Variants in SCYL1 observed in about 807,000 individuals in gnomAD.
SCYL1 encodes SCY1 like pseudokinase 1, also known as N-terminal kinase-like protein.
A neutral mutation model predicts 94.8 loss-of-function variants in SCYL1; 85 were observed. The ratio of observed to expected loss-of-function variants is 0.90; its 90% CI spans 0.75 to 1.07. SCYL1 has a LOEUF of 1.07. Ranked by LOEUF, SCYL1 falls within the 50% of genes least tolerant of loss-of-function variation. The probability of loss-of-function intolerance (pLI) is 0.00; values close to 1 mark genes in which losing one functional copy is unlikely to be tolerated. For synonymous variants in SCYL1, 459 were observed against 435.5 expected (o/e 1.05, Z -0.67); for missense variants, 968 against 1,083.3 (o/e 0.89, Z 1.49).
At position 65,526,293 on chromosome 11, in the gene SCYL1, A is replaced by T. The variant is rs1172759064; in HGVS notation, c.545A>T (p.Glu182Val). The change falls in exon 4 of 18, where the codon GAG becomes GTG. Residue 182 changes from glutamate (E) to valine (V), a missense_variant. Around this residue, in one of 2 missense-constraint regions of SCYL1, gnomAD observed 494 missense variants for 619.7 expected, o/e 0.80. Transcript: ENST00000270176. This position sits in a 1 kb window ranked among gnomAD's most constrained non-coding sequence, Gnocchi z 4.1. ...GPPRKGIPELEQYDPPELADS... is the reference protein window; with the variant it reads ...GPPRKGIPELVQYDPPELADS... The stretch of plus-strand genomic sequence containing the variant: ...CCCCGCAAGGGGATCCCCGAGCTTG[A>T]GCAGTATGACCCCCCGGAGTTGGCT... 1 of 1,612,188 alleles carries T rather than the reference A, an allele frequency of 6.2e-7. No homozygotes were observed. The highest frequency in any genetic ancestry group is 1.1e-5 in the South Asian group (1 of 91,042).
At position 65,536,097 on chromosome 11, in the gene SCYL1, C is replaced by A. The variant is rs1389255232; in HGVS notation, c.1531C>A (p.Leu511Ile). 4 of 1,614,038 alleles carry A rather than the reference C, an allele frequency of 2.5e-6. No homozygotes were observed. In the African/African-American group the frequency reaches 5.3e-5, roughly 22 times the overall value. The change falls in exon 11 of 18, where the codon CTC becomes ATC. Residue 511 changes from leucine to isoleucine, a missense_variant. By Grantham distance (5) the Leu-to-Ile change is conservative. Around this residue, in one of 2 missense-constraint regions of SCYL1, gnomAD observed 474 missense variants for 463.6 expected, o/e 1.02. Transcript: ENST00000270176. ...NDCAQKILPV[L>I]CGLTVDPEKS... Reference sequence around the variant, plus strand: ...CTGTGCCCAGAAGATCCTGCCTGTGCTCTGCGGTCTCACTGTAGATCCTGA... The same window carrying A: ...CTGTGCCCAGAAGATCCTGCCTGTGATCTGCGGTCTCACTGTAGATCCTGA...
chr11:65,537,395 C>T lies in SCYL1; in HGVS notation c.1959+267C>T, dbSNP rs186171789. 1.4e-3 allele frequency among the ~76,000 whole-genome samples: 217 copies of T among 152,300 alleles called. 1 individual carries two copies. The highest frequency in any genetic ancestry group is 5.1e-3 in the African/African-American group (211 of 41,548). The stretch of plus-strand genomic sequence containing the variant: ...ACTCTTACCCACACCGTCCCCCTTT[C>T]CCCTCCTCCAGTGCCCACCCAGCCA... On this transcript the variant is annotated intron_variant, in intron 14 of 17. Coordinates refer to ENST00000270176, the MANE Select transcript of SCYL1 (RefSeq NM_020680.4).
rs1855096169 is a variant in SCYL1, at chr11:65,526,606, G to A, written c.603-177G>A. Among the ~76,000 whole-genome samples the A allele has an allele frequency of 2.0e-5, 3 of 152,152 alleles. No individual in the cohort carries two copies. The South Asian group carries it at 6.2e-4, about 31-fold the overall frequency. ...TGGACAGATGTGCCTAGTTCTCTGA[G>A]GCTTGGTTTTTTTAATCTGTTAAGT... On this transcript the variant is annotated intron_variant, in intron 4 of 17. Coordinates refer to ENST00000270176, the MANE Select transcript of SCYL1 (RefSeq NM_020680.4). This position sits in a 1 kb window ranked among gnomAD's most constrained non-coding sequence, Gnocchi z 4.1.
At chr11:65,525,320 G>A in intron 1 of SCYL1, 56 bp downstream of exon 1, 2 of 1,277,108 alleles carry the variant, frequency 1.6e-6, no homozygotes, top group South Asian at 1.6e-5. Context: ...CCTATTCCGC[G>A]CCGCCGACCC....
chr11:65,538,422 G>T lies in SCYL1; in HGVS notation c.2303-20G>T. 1.3e-6 allele frequency: 2 copies of T among 1,544,422 alleles called. No individual in the cohort carries two copies. Among genetic ancestry groups the T allele is most frequent in the Non-Finnish European group, 8.7e-7 (1 of 1,143,688 alleles). On this transcript the variant is annotated intron_variant, in intron 17 of 17. Coordinates refer to ENST00000270176, the MANE Select transcript of SCYL1 (RefSeq NM_020680.4). Reference sequence around the variant, plus strand: ...CACTGGCTGGAGAGCTGAGACCGGGGCTCCCCTTCCTGACGCCAGGACAGG... The same window carrying T: ...CACTGGCTGGAGAGCTGAGACCGGGTCTCCCCTTCCTGACGCCAGGACAGG...
rs766264413 is a variant in SCYL1, at chr11:65,536,684, C to A, written c.1750C>A (p.Leu584Met). 6.2e-7 allele frequency: 1 copy of A among 1,613,992 alleles called. No homozygotes were observed. Among genetic ancestry groups the A allele is most frequent in the Non-Finnish European group, 8.5e-7 (1 of 1,179,880 alleles). The stretch of plus-strand genomic sequence containing the variant: ...CGGGGTCTCCTCACTCACCTCCAAG[C>A]TGATCCGTTCGCACCCAACCACTGC... ...VTGVSSLTSK[L>M]IRSHPTTAPT... The change falls in exon 13 of 18, where the codon CTG becomes ATG. Residue 584 changes from leucine (L) to methionine (M), a missense_variant. Around this residue, in one of 2 missense-constraint regions of SCYL1, gnomAD observed 474 missense variants for 463.6 expected, o/e 1.02. Transcript: ENST00000270176.
rs1855657062 is a variant in SCYL1, at chr11:65,536,606, T to A, written c.1672T>A (p.Ser558Thr). The A allele has an allele frequency of 1.2e-6, 2 of 1,614,080 alleles. No individual in the cohort carries two copies. Among genetic ancestry groups the A allele is most frequent in the Non-Finnish European group, 1.7e-6 (2 of 1,179,972 alleles). Residue 558 changes from serine (S) to threonine (T), a missense_variant, in exon 13 of 18, where the codon TCC becomes ACC. Transcript: ENST00000270176. ...EEVEKDVHAA[S>T]SPGMGGAAAS... ...CCCAGAGAAGGATGTCCATGCAGCC[T>A]CCAGCCCTGGCATGGGAGGAGCCGC...
rs371045520 is a variant in SCYL1, at chr11:65,537,854, G to A, written c.2005G>A (p.Gly669Arg). Residue 669 changes from glycine (G) to arginine (R), a missense_variant, in exon 15 of 18, where the codon GGG becomes AGG. Physicochemically the swap from Gly to Arg is moderately radical, Grantham distance 125 (BLOSUM62 -2). Transcript: ENST00000270176. ...VLAQQDDWST[G>R]GQVSRASQVS... ...GGCCCAGCAGGACGACTGGAGCACC[G>A]GGGGCCAAGTGAGCCGTGCTAGTCA... The A allele has an allele frequency of 5.6e-5, 88 of 1,575,244 alleles. No homozygotes were observed. Among genetic ancestry groups the A allele is most frequent in the Admixed American group, 1.5e-4 (8 of 53,516 alleles).
chr11:65,538,272 G>T lies in SCYL1; in HGVS notation c.2250G>T (p.Pro750=). 1 of 1,553,420 alleles carries T rather than the reference G, an allele frequency of 6.4e-7. No homozygotes were observed. The highest frequency in any genetic ancestry group is 8.7e-7 in the Non-Finnish European group (1 of 1,148,070). ...ATLSARPSTQ[P]RPDSWGEDNW... The stretch of plus-strand genomic sequence containing the variant: ...GCAGCCCACACTTCTCTTTACAGCC[G>T]AGGCCAGACTCTTGGGGTGAGGACA... The change falls in exon 17 of 18, where the codon CCG becomes CCT. Residue 750 remains proline (P), a splice_region_variant and synonymous_variant. Coordinates refer to ENST00000270176, the MANE Select transcript of SCYL1 (RefSeq NM_020680.4).
intron 6 of SCYL1, among the ~76,000 whole-genome samples, chr11:65,527,993 G>A (rs998221437): frequency 7.2e-5 from 11 of 152,198 alleles, no homozygotes; most frequent in African/African-American, 2.7e-4. Flanking sequence ...CCCCAGGGGT[G>A]TAACACCCTG....
At chr11:65,530,406 A>G (rs939614306) in intron 6 of SCYL1, among the ~76,000 whole-genome samples, 1 of 152,126 alleles carries the variant, frequency 6.6e-6, no homozygotes. Context: ...TGCAGCTTTT[A>G]TGTGCATTTT....
In SCYL1 at chr11:65,537,959, T is replaced by C. The variant is rs756251197; in HGVS notation, c.2032-8T>C. 1.2e-6 allele frequency: 2 copies of C among 1,607,686 alleles called. No individual in the cohort carries two copies. Among genetic ancestry groups the C allele is most frequent in the South Asian group, 1.1e-5 (1 of 90,036 alleles). ...CCAGGGCTACTTCCCCCTCCCGCTC[T>C]TCTACAGGTCAGCAACTCCGACCAC... On this transcript the variant is annotated splice_region_variant and splice_polypyrimidine_tract_variant and intron_variant, in intron 15 of 17. Coordinates refer to ENST00000270176, the MANE Select transcript of SCYL1 (RefSeq NM_020680.4).
Position 65,526,607 on chromosome 11 carries a change from G to T in SCYL1, c.603-176G>T, listed in dbSNP as rs949189901. ...GGACAGATGTGCCTAGTTCTCTGAGGCTTGGTTTTTTTAATCTGTTAAGTG... is the reference window on the plus strand; with the variant it reads ...GGACAGATGTGCCTAGTTCTCTGAGTCTTGGTTTTTTTAATCTGTTAAGTG... On this transcript the variant is annotated intron_variant, in intron 4 of 17. Transcript: ENST00000270176. This position sits in a 1 kb window ranked among gnomAD's most constrained non-coding sequence, Gnocchi z 4.1. Among the ~76,000 whole-genome samples, 8 of 152,176 alleles carry T rather than the reference G, an allele frequency of 5.3e-5. No homozygotes were observed. In the South Asian group the frequency reaches 1.2e-3, roughly 24 times the overall value.
chr11:65,526,183 C>T lies in SCYL1; in HGVS notation c.435C>T (p.Ala145=), dbSNP rs752730791. 23 of 1,613,302 alleles carry T rather than the reference C, an allele frequency of 1.4e-5. No individual in the cohort carries two copies. Among genetic ancestry groups the T allele is most frequent in the Middle Eastern group, 1.6e-4 (1 of 6,084 alleles). Residue 145 remains alanine (A), a synonymous_variant, in exon 4 of 18, where the codon GCC becomes GCT. Coordinates refer to ENST00000270176, the MANE Select transcript of SCYL1 (RefSeq NM_020680.4). The surrounding 1 kb of genome is among the most constrained non-coding windows in gnomAD (Gnocchi z 4.1). ...CSLIHNNVCM[A]AVFVDRAGEW... ...TCATCCACAACAATGTCTGCATGGC[C>T]GCCGTGTTCGTGGACCGAGCTGGCG...
Position 65,536,227 on chromosome 11 carries a change from A to C in SCYL1, c.1576-32A>C, listed in dbSNP as rs757187634. Reference sequence around the variant, plus strand: ...GGCCTGGTAGGTTCTTGGGAACCCCAGAGACCCCAGCTCTGCCTCGTTACC... The same window carrying C: ...GGCCTGGTAGGTTCTTGGGAACCCCCGAGACCCCAGCTCTGCCTCGTTACC... On this transcript the variant is annotated intron_variant, in intron 11 of 17. Transcript: ENST00000270176. The C allele has an allele frequency of 9.9e-6, 16 of 1,609,360 alleles. No individual in the cohort carries two copies. The East Asian group carries it at 3.1e-4, about 31-fold the overall frequency.
chr11:65,537,841 C>T lies in SCYL1; in HGVS notation c.1992C>T (p.Asp664=), dbSNP rs768330341. 9 of 1,573,018 alleles carry T rather than the reference C, an allele frequency of 5.7e-6. No homozygotes were observed. The highest frequency in any genetic ancestry group is 2.3e-5 in the East Asian group (1 of 43,072). The change falls in exon 15 of 18, where the codon GAC becomes GAT. Residue 664 remains aspartate (D), a synonymous_variant. Coordinates refer to ENST00000270176, the MANE Select transcript of SCYL1 (RefSeq NM_020680.4). ...CCGAGTCTGTGCTGGCCCAGCAGGA[C>T]GACTGGAGCACCGGGGGCCAAGTGA... The part of the protein sequence containing the change: ...QEAESVLAQQ[D]DWSTGGQVSR...
rs775506650 is a variant in SCYL1, at chr11:65,531,642, T to A, written c.1075T>A (p.Ser359Thr). The A allele has an allele frequency of 6.2e-7, 1 of 1,614,036 alleles. No individual in the cohort carries two copies. The highest frequency in any genetic ancestry group is 8.5e-7 in the Non-Finnish European group (1 of 1,179,956). Reference sequence around the variant, plus strand: ...CATCCCTGTGGTGGTCAAGATGTTCTCATCCACTGACCGGGCCATGCGCAT... The same window carrying A: ...CATCCCTGTGGTGGTCAAGATGTTCACATCCACTGACCGGGCCATGCGCAT... Reference protein sequence around the residue: ...KIIPVVVKMFSSTDRAMRIRL... With the variant: ...KIIPVVVKMFTSTDRAMRIRL... Residue 359 changes from serine (S) to threonine (T), a missense_variant, in exon 8 of 18, where the codon TCA (serine) becomes ACA (threonine). Ser to Thr is a moderately conservative substitution (Grantham distance 58, BLOSUM62 1). Around this residue, in one of 2 missense-constraint regions of SCYL1, gnomAD observed 494 missense variants for 619.7 expected, o/e 0.80. Transcript: ENST00000270176.
At chr11:65,525,509 G>C (rs992722156) in intron 1 of SCYL1, 65 bp from the exon 2 acceptor site, 3 of 1,565,220 alleles carry the variant, frequency 1.9e-6, no homozygotes, top group Non-Finnish European at 8.6e-7. Context: ...ACCTGGCTGC[G>C]GGCCCTTGTC....
chr11:65,530,857 T>A, intron 7 of SCYL1, 70 bp downstream of exon 7: 1 of 1,523,218 alleles, frequency 6.6e-7, no homozygotes, highest in Non-Finnish European at 8.8e-7. Flanking sequence ...GGCCCTGGGG[T>A]AGGGCAGGCT....
Sources: allele counts gnomAD v4.1 joint callset (sites outside exome capture counted in the v4.1 genomes callset), GRCh38; gene constraint gnomAD v4.1.1; regional missense constraint gnomAD v4.1.1; non-coding constraint Gnocchi (gnomAD v3.1); transcripts MANE v1.5; gene names NCBI Gene and HGNC (gene_info 2026-07-23, HGNC 2026-07-21).